Variants in SIGLEC1 observed in about 807,000 individuals in gnomAD.
SIGLEC1 encodes sialoadhesin.
In SIGLEC1, 132 loss-of-function variants were observed where a neutral mutation model predicts 148.0. The ratio of observed to expected loss-of-function variants is 0.89; its 90% CI spans 0.77 to 1.03. The LOEUF is 1.03. Ranked by LOEUF, SIGLEC1 falls within the 50% of genes least tolerant of loss-of-function variation. The probability of loss-of-function intolerance (pLI) is 0.00; values close to 1 mark genes in which losing one functional copy is unlikely to be tolerated. For missense variants in SIGLEC1, 2,253 were observed against 2,271.4 expected, an observed-to-expected ratio of 0.99 and a Z score of 0.16; for synonymous variants, 945 against 969.0, an observed-to-expected ratio of 0.98 and a Z score of 0.46.
rs1292105564 is a variant in SIGLEC1 at position 3,706,579 on chromosome 20, C to T, written c.177G>A (p.Trp59Ter). 15 of 1,612,322 alleles carry T rather than the reference C, an allele frequency of 9.3e-6. No homozygotes were observed. The highest frequency in any genetic ancestry group is 1.1e-5 in the South Asian group (1 of 90,972). Reference sequence around the variant, plus strand: ...GCCGCTGGCCCGAGTAGTCGTAGTACCAGATGGCCGTGATGCCGTCGGGCA... The same window carrying T: ...GCCGCTGGCCCGAGTAGTCGTAGTATCAGATGGCCGTGATGCCGTCGGGCA... ...VEVPDGITAI[W>*]YYDYSGQRQV... Residue 59 changes from tryptophan to a stop codon, truncating the protein, a stop_gained, in exon 3 of 22, where the codon TGG (tryptophan) becomes TGA (stop). Coordinates refer to ENST00000344754, the MANE Select transcript of SIGLEC1 (RefSeq NM_023068.4). LOFTEE classifies it high-confidence loss of function.
chr20:3,691,938 C>T lies in SIGLEC1; in HGVS notation c.4295G>A (p.Gly1432Asp), dbSNP rs1386381828. The change falls in exon 17 of 22, where the codon GGC (glycine) becomes GAC (aspartate). Residue 1432 changes from glycine to aspartate, a missense_variant. Transcript: ENST00000344754. ...TYVCTAQNLLGSISTIGRLQV... is the reference protein window; with the variant it reads ...TYVCTAQNLLDSISTIGRLQV... Reference sequence around the variant, plus strand: ...CAACCGCCCGATGGTGCTGATTGAGCCCAGCAAGTTTTGGGCTGTGCAAAC... The same window carrying T: ...CAACCGCCCGATGGTGCTGATTGAGTCCAGCAAGTTTTGGGCTGTGCAAAC... The T allele has an allele frequency of 6.3e-7, 1 of 1,594,596 alleles. No individual in the cohort carries two copies. The highest frequency in any genetic ancestry group is 8.6e-7 in the Non-Finnish European group (1 of 1,165,526).
chr20:3,702,205 T>A (rs2087857831), intron 6 of SIGLEC1, among the ~76,000 whole-genome samples: 1 of 152,180 alleles, frequency 6.6e-6, no homozygotes. Flanking sequence ...TGAACTGTGA[T>A]TGTATTCTGG....
At chr20:3,691,764 G>A in intron 17 of SIGLEC1, 139 bp downstream of exon 17, 1 of 1,321,978 alleles carries the variant, frequency 7.6e-7, no homozygotes, top group African/African-American at 1.5e-5. Flanking sequence ...TGGGAGCTGT[G>A]CCCCCTCCAC....
chr20:3,703,608 C>T (rs1204182001), intron 5 of SIGLEC1, among the ~76,000 whole-genome samples, 157 bp from the exon 6 acceptor site: 1 of 152,164 alleles, frequency 6.6e-6, no homozygotes, highest in African/African-American at 2.4e-5. Context: ...CTCTGCATCT[C>T]TTTGTCCTGC....
chr20:3,693,197 G>A, intron 14 of SIGLEC1, 66 bp from the exon 15 acceptor site: 1 of 1,487,530 alleles, frequency 6.7e-7, no homozygotes, highest in Non-Finnish European at 8.9e-7. Context: ...GTTTGCAGGT[G>A]GCATTCAAAC....
At chr20:3,699,107 C>T (rs1446776223) in intron 8 of SIGLEC1, 95 bp downstream of exon 8, 8 of 1,432,462 alleles carry the variant, frequency 5.6e-6, no homozygotes, top group Non-Finnish European at 7.6e-6. Flanking sequence ...CCGATATAGA[C>T]CGTGGGGCAG....
chr20:3,697,651 G>A (rs1184291719), intron 9 of SIGLEC1, 147 bp downstream of exon 9: 11 of 747,320 alleles, frequency 1.5e-5, no homozygotes, highest in African/African-American at 1.8e-5. Context: ...GGAAGGAGCA[G>A]CTCCGCTCTT....
At position 3,697,318 on chromosome 20, in the gene SIGLEC1, G is replaced by A. The variant is rs1005804026; in HGVS notation, c.2147C>T (p.Ser716Leu). 1 of 1,613,788 alleles carries A rather than the reference G, an allele frequency of 6.2e-7. No homozygotes were observed. Among genetic ancestry groups the A allele is most frequent in the African/African-American group, 1.3e-5 (1 of 74,936 alleles). The change falls in exon 10 of 22, where the codon TCA becomes TTA. Residue 716 changes from serine (S) to leucine (L), a missense_variant. Physicochemically the swap from Ser to Leu is moderately radical, Grantham distance 145. Coordinates refer to ENST00000344754, the MANE Select transcript of SIGLEC1 (RefSeq NM_023068.4). ...GQATVLAIAP[S>L]HTLQEGTEAN... is the part of the protein sequence containing the mutation. ...TTCTGTGCCCTCCTGAAGTGTGTGT[G>A]ATGGTGCAATGGCCAGGACAGTGGC...
At position 3,705,624 on chromosome 20, in the gene SIGLEC1, G is replaced by A. The variant is rs901157779; in HGVS notation, c.706+120C>T. Reference sequence around the variant, plus strand: ...CCACTTGCCCTACCCTGGAGGCCCAGGAGCAGCCTGGTTTTGCATCAGGAG... The same window carrying A: ...CCACTTGCCCTACCCTGGAGGCCCAAGAGCAGCCTGGTTTTGCATCAGGAG... On this transcript the variant is annotated intron_variant, in intron 4 of 21. Coordinates refer to ENST00000344754, the MANE Select transcript of SIGLEC1 (RefSeq NM_023068.4). The A allele has an allele frequency of 2.8e-5, 31 of 1,125,126 alleles. No homozygotes were observed. In the East Asian group the frequency reaches 6.7e-4, roughly 24 times the overall value. 69.7% of individuals were successfully genotyped at this position (1,125,126 alleles called of 1,614,324 possible).
intron 3 of SIGLEC1, 81 bp downstream of exon 3, chr20:3,706,266 G>A (rs148225466): frequency 4.6e-6 from 7 of 1,522,716 alleles, no homozygotes; most frequent in Non-Finnish European, 6.2e-6. Flanking sequence ...TTCAGGACAA[G>A]GGCTGGGGCT....
intron 18 of SIGLEC1, among the ~76,000 whole-genome samples, chr20:3,690,801 C>A (rs1385996912): frequency 6.8e-6 from 1 of 146,208 alleles, no homozygotes. Context: ...CGCTTTATTT[C>A]TTTTGGTTTT....
Position 3,692,039 on chromosome 20 carries a change from C to G in SIGLEC1, c.4194G>C (p.Gly1398=). 1 of 1,613,136 alleles carries G rather than the reference C, an allele frequency of 6.2e-7. No homozygotes were observed. The highest frequency in any genetic ancestry group is 8.5e-7 in the Non-Finnish European group (1 of 1,179,770). ...TSSGVHSLAS[G]TGHVQVARNA... Reference sequence around the variant, plus strand: ...TTCGGGCCACCTGGACATGGCCTGTCCCTGATGCCAAGCTGTGGACCCCGC... The same window carrying G: ...TTCGGGCCACCTGGACATGGCCTGTGCCTGATGCCAAGCTGTGGACCCCGC... Residue 1398 remains glycine (G), a synonymous_variant, in exon 17 of 22, where the codon GGG becomes GGC. Coordinates refer to ENST00000344754, the MANE Select transcript of SIGLEC1 (RefSeq NM_023068.4).
chr20:3,691,028 G>A (rs999887741), intron 18 of SIGLEC1, among the ~76,000 whole-genome samples: 5 of 151,740 alleles, frequency 3.3e-5, no homozygotes, highest in East Asian at 1.9e-4. Context: ...ACGGAGTTTC[G>A]CCATATTGAC....
At chr20:3,700,158 GC>G (rs1214928254) in intron 7 of SIGLEC1, among the ~76,000 whole-genome samples, 2 of 97,256 alleles carry the variant, frequency 2.1e-5, no homozygotes, top group African/African-American at 7.9e-5. Context: ...TGCTCCGTCA[GC>G]CAGGCTGGAG....
In SIGLEC1 at chr20:3,694,441, C is replaced by T. The variant is rs143894949; in HGVS notation, c.3036G>A (p.Pro1012=). 17 of 1,610,296 alleles carry T rather than the reference C, an allele frequency of 1.1e-5. No individual in the cohort carries two copies. Among genetic ancestry groups the T allele is most frequent in the Non-Finnish European group, 1.2e-5 (14 of 1,177,866 alleles). The stretch of plus-strand genomic sequence containing the variant: ...CCCCGTGGAGCAGCCGCAGCTGGGC[C>T]GGAGGGTCACTGTCCACACGGCACA... ...LLLCRVDSDP[P]AQLRLLHGDR... The change falls in exon 13 of 22, where the codon CCG becomes CCA. Residue 1012 remains proline, a synonymous_variant. Transcript: ENST00000344754.
chr20:3,706,653 AC>A lies in SIGLEC1; in HGVS notation c.102del (p.Ser35LeufsTer36). 6.4e-7 allele frequency: 1 copy of A among 1,567,622 alleles called. No individual in the cohort carries two copies. Among genetic ancestry groups the A allele is most frequent in the Non-Finnish European group, 8.6e-7 (1 of 1,156,728 alleles). ...AAGATGCAGGGGATAAGCAGGCAAGACCCCTTCACACCCTGCACGTCCTGGG... is the reference window on the plus strand; with the variant it reads ...AAGATGCAGGGGATAAGCAGGCAAGACCCTTCACACCCTGCACGTCCTGGG... ...SSPQDVQGVK[G>X]SCLLIPCIFS... On this transcript the variant is annotated frameshift_variant, in exon 3 of 22. Transcript: ENST00000344754. LOFTEE classifies it high-confidence loss of function.
intron 20 of SIGLEC1, 27 bp downstream of exon 20, chr20:3,689,573 C>G: frequency 6.6e-7 from 1 of 1,505,382 alleles, no homozygotes; most frequent in Non-Finnish European, 9.0e-7. Context: ...CCCCAATCTT[C>G]TGGCCCACTC....
At position 3,688,472 on chromosome 20, in the gene SIGLEC1, A is replaced by G; in HGVS notation, c.*88T>C. The G allele has an allele frequency of 1.8e-6, 2 of 1,113,908 alleles. No individual in the cohort carries two copies. Among genetic ancestry groups the G allele is most frequent in the Non-Finnish European group, 2.7e-6 (2 of 749,128 alleles). The allele number at this position is 1,113,908 out of a possible 1,614,324, so 69.0% of individuals were successfully genotyped here. ...AGCTGTTTTCGTAGAGGCGGGCAGG[A>G]CTCAACACTGCCTCATTCACATTCA... On this transcript the variant is annotated 3_prime_UTR_variant, in exon 22 of 22. Transcript: ENST00000344754.
Position 3,707,176 on chromosome 20 carries a change from G to A in SIGLEC1, c.-48C>T. 6.3e-7 allele frequency: 1 copy of A among 1,587,142 alleles called. No homozygotes were observed. The highest frequency in any genetic ancestry group is 8.6e-7 in the Non-Finnish European group (1 of 1,156,750). ...GTTGCCTAAGAGGGTGGTGCGCACT[G>A]CGCTGGCTGGGCTCACAGGGGCCTC... On this transcript the variant is annotated 5_prime_UTR_variant, in exon 2 of 22. Transcript: ENST00000344754.
Sources: gnomAD v4.1 joint callset for allele counts (sites outside exome capture counted in the v4.1 genomes callset) on GRCh38, gnomAD v4.1.1 for gene constraint, MANE v1.5 for transcripts, NCBI Gene and HGNC (gene_info 2026-07-23, HGNC 2026-07-21) for gene names.